Variants in MEIS2 observed in about 807,000 individuals in gnomAD.
MEIS2 encodes Meis homeobox 2.
A neutral mutation model predicts 58.6 loss-of-function variants in MEIS2; 9 were observed. The ratio of observed to expected loss-of-function variants is 0.15; its 90% confidence interval spans 0.09 to 0.27. The LOEUF (loss-of-function observed/expected upper bound fraction) is 0.27. MEIS2 is among the 10% of genes least tolerant of loss of function. The pLI is 1.00. For synonymous variants in MEIS2, 221 were observed against 228.4 expected, an observed-to-expected ratio of 0.97 and a Z score of 0.29; for missense variants, 427 against 635.0, an observed-to-expected ratio of 0.67 and a Z score of 3.52.
At chr15:36,955,718 T>G in intron 8 of MEIS2, among the ~76,000 whole-genome samples, 1 of 152,194 alleles carries the variant, frequency 6.6e-6, no homozygotes, top group East Asian at 1.9e-4. Flanking sequence ...GTAAAAATCC[T>G]TTGCTATTCT....
intron 8 of MEIS2, among the ~76,000 whole-genome samples, chr15:36,995,928 G>T (rs2063730629): frequency 7.4e-6 from 1 of 135,714 alleles, no homozygotes; most frequent in African/African-American, 2.8e-5. Flanking sequence ...CAGACTTCTG[G>T]GCTAGTTAAC....
chr15:37,089,376 G>C (rs1893264769), intron 6 of MEIS2, among the ~76,000 whole-genome samples: 1 of 151,554 alleles, frequency 6.6e-6, no homozygotes, highest in African/African-American at 2.4e-5. Flanking sequence ...AATTTATCTA[G>C]AGTCACTTGC....
intron 8 of MEIS2, among the ~76,000 whole-genome samples, chr15:36,985,290 G>C (rs531660389): frequency 2.6e-5 from 4 of 152,042 alleles, no homozygotes; most frequent in African/African-American, 9.7e-5. Context: ...TTTTCTACAG[G>C]ATCAGTTCTG....
intron 9 of MEIS2, among the ~76,000 whole-genome samples, chr15:36,928,427 A>G (rs891022166): frequency 1.3e-5 from 2 of 152,192 alleles, no homozygotes; most frequent in Non-Finnish European, 2.9e-5. Context: ...ATGGATGAGG[A>G]AGCTGAGGGA....
intron 8 of MEIS2, among the ~76,000 whole-genome samples, chr15:37,010,535 A>T (rs1311802210): frequency 6.6e-6 from 1 of 152,010 alleles, no homozygotes; most frequent in Admixed American, 6.6e-5. Context: ...GACGCATGCC[A>T]CCATGCCTTC....
chr15:37,016,826 A>G (rs537470799), intron 8 of MEIS2, among the ~76,000 whole-genome samples: 32 of 152,308 alleles, frequency 2.1e-4, no homozygotes, highest in African/African-American at 7.5e-4. Context: ...CACCCCCTCA[A>G]TGAAACACTG....
At chr15:37,072,097 A>G (rs1424274301) in intron 7 of MEIS2, among the ~76,000 whole-genome samples, 3 of 152,066 alleles carry the variant, frequency 2.0e-5, no homozygotes, top group African/African-American at 7.2e-5. Flanking sequence ...CTTTCATTCA[A>G]CACGCACCCA....
chr15:36,928,046 G>A (rs2057818954), intron 9 of MEIS2, among the ~76,000 whole-genome samples: 1 of 152,112 alleles, frequency 6.6e-6, no homozygotes, highest in African/African-American at 2.4e-5. Context: ...GCCATGAAGT[G>A]CTCAAATTAC....
intron 8 of MEIS2, among the ~76,000 whole-genome samples, chr15:36,972,217 T>C (rs761826123): frequency 4.6e-5 from 7 of 152,148 alleles, no homozygotes; most frequent in Non-Finnish European, 8.8e-5. Context: ...TGATAAGATG[T>C]AGTAGGAAGA....
chr15:37,018,660 A>C (rs1228805435), intron 8 of MEIS2, among the ~76,000 whole-genome samples: 1 of 152,238 alleles, frequency 6.6e-6, no homozygotes, highest in African/African-American at 2.4e-5. Context: ...TAAGAATCCA[A>C]GTAGATTTCT....
At chr15:37,078,913 A>G (rs554493440) in intron 7 of MEIS2, among the ~76,000 whole-genome samples, 26 of 152,232 alleles carry the variant, frequency 1.7e-4, no homozygotes, top group Admixed American at 1.3e-3. Flanking sequence ...GTAAGTTGAT[A>G]CATATAGGAA....
At chr15:36,896,721 C>T (rs763513250) in intron 9 of MEIS2, 35 bp from the exon 10 acceptor site, 2 of 1,572,248 alleles carry the variant, frequency 1.3e-6, no homozygotes, top group Admixed American at 1.7e-5. Context: ...TCATCATACT[C>T]CGTTTCTGTA....
chr15:36,921,754 T>C (rs1407656499), intron 9 of MEIS2, among the ~76,000 whole-genome samples: 1 of 149,414 alleles, frequency 6.7e-6, no homozygotes, highest in Non-Finnish European at 1.5e-5. Flanking sequence ...TGAGTGGTCC[T>C]GTCAAGATGA....
intron 9 of MEIS2, among the ~76,000 whole-genome samples, chr15:36,921,861 G>C (rs1038419048): frequency 2.0e-5 from 3 of 152,194 alleles, no homozygotes; most frequent in Non-Finnish European, 2.9e-5. Flanking sequence ...GAAACCAAAG[G>C]AAGCCAAATG....
rs552799767 is a variant in MEIS2 at position 36,950,107 on chromosome 15, G to A, written c.977+217C>T. Among the ~76,000 whole-genome samples, 5 of 151,848 alleles carry A rather than the reference G, an allele frequency of 3.3e-5. No homozygotes were observed. In the East Asian group the frequency reaches 9.7e-4, roughly 29 times the overall value. ...TAGAGAAGAAGAGAAAAGAAAGAGG[G>A]AGAGAGAAAAAGAAAAGGAATAAAT... On this transcript the variant is annotated intron_variant, in intron 9 of 11. Transcript: ENST00000561208.
chr15:37,004,093 G>A (rs1309822316), intron 8 of MEIS2, among the ~76,000 whole-genome samples: 1 of 152,216 alleles, frequency 6.6e-6, no homozygotes, highest in Non-Finnish European at 1.5e-5. Flanking sequence ...GAAATCTCAG[G>A]TTGGCTTTTG....
At chr15:37,097,932 A>T (rs1367980293) in intron 2 of MEIS2, 35 bp downstream of exon 2, 1 of 1,556,580 alleles carries the variant, frequency 6.4e-7, no homozygotes, top group Non-Finnish European at 8.7e-7. Context: ...TCTCACACTC[A>T]CACACAGTAA....
intron 8 of MEIS2, among the ~76,000 whole-genome samples, chr15:36,970,129 C>T (rs892421975): frequency 1.3e-5 from 2 of 152,092 alleles, no homozygotes; most frequent in African/African-American, 2.4e-5. Context: ...TTTGGTCAGG[C>T]GCGGTGGCTC....
intron 8 of MEIS2, among the ~76,000 whole-genome samples, chr15:36,983,905 C>T (rs2141520488): frequency 6.6e-6 from 1 of 151,920 alleles, no homozygotes; most frequent in East Asian, 1.9e-4. Context: ...GTTTTAGATG[C>T]TATGGGATTG....
Sources: allele counts gnomAD v4.1 joint callset (sites outside exome capture counted in the v4.1 genomes callset), GRCh38; gene constraint gnomAD v4.1.1; transcripts MANE v1.5; gene names NCBI Gene and HGNC (gene_info 2026-07-23, HGNC 2026-07-21).